The following ATP8B4 variants were observed in gnomAD, a reference collection of about 807,000 sequenced individuals.
The protein encoded by ATP8B4 is ATPase phospholipid transporting 8B4 (putative).
ATP8B4 carries 133 observed loss-of-function variants against 145.6 expected under a neutral mutation model. The ratio of observed to expected loss-of-function variants is 0.91; its 90% confidence interval spans 0.79 to 1.05. The LOEUF (loss-of-function observed/expected upper bound fraction) is 1.05, where lower values mean the gene tolerates loss of function less well. Ranked by LOEUF, ATP8B4 falls within the 50% of genes least tolerant of loss-of-function variation. The pLI is 0.00. For missense variants in ATP8B4, 1,458 were observed against 1,425.2 expected, an observed-to-expected ratio of 1.02 and a Z score of -0.37; for synonymous variants, 507 against 492.9, an observed-to-expected ratio of 1.03 and a Z score of -0.38.
At chr15:50,013,620 T>C (rs1567198419) in intron 6 of ATP8B4, among the ~76,000 whole-genome samples, 1 of 152,112 alleles carries the variant, frequency 6.6e-6, no homozygotes, top group Non-Finnish European at 1.5e-5. Context: ...CACAAGTCAA[T>C]TGCTAAATAA....
At chr15:50,165,451 G>A (rs2044581886) in intron 1 of ATP8B4, among the ~76,000 whole-genome samples, 1 of 152,120 alleles carries the variant, frequency 6.6e-6, no homozygotes, top group South Asian at 2.1e-4. Flanking sequence ...TGTGTGGATA[G>A]CTGCTCAATT....
At chr15:50,172,944 C>T (rs1426849524) in intron 1 of ATP8B4, among the ~76,000 whole-genome samples, 4 of 149,936 alleles carry the variant, frequency 2.7e-5, no homozygotes, top group African/African-American at 9.9e-5. Context: ...CGTCTCCGCC[C>T]GGCAGCCGCC....
chr15:50,173,360 T>G lies in ATP8B4; in HGVS notation c.-43+8901A>C, dbSNP rs1204202527. ...TTTGTTCTGTACTAAGAAAAATTAT[T>G]CTGCCTTGGGATGCTGTTAATCTAT... On this transcript the variant is annotated intron_variant, in intron 1 of 3. Transcript: ENST00000558829. Among the ~76,000 whole-genome samples the G allele has an allele frequency of 2.6e-5, 4 of 152,198 alleles. No homozygotes were observed. In the East Asian group the frequency reaches 7.7e-4, roughly 29 times the overall value.
chr15:50,135,016 G>A (rs772326527), intron 1 of ATP8B4, among the ~76,000 whole-genome samples: 1 of 152,180 alleles, frequency 6.6e-6, no homozygotes, highest in Non-Finnish European at 1.5e-5. Context: ...CCTGAACATT[G>A]TTAAAAAGAT....
At chr15:50,119,627 G>A (rs906949610), upstream of ATP8B4, among the ~76,000 whole-genome samples, 1 of 152,080 alleles carries the variant, frequency 6.6e-6, no homozygotes, top group Non-Finnish European at 1.5e-5. Context: ...AATGGAAGGG[G>A]ACACCGGCTA....
intron 14 of ATP8B4, among the ~76,000 whole-genome samples, chr15:49,951,203 T>C (rs1240526216): frequency 6.6e-6 from 1 of 152,194 alleles, no homozygotes; most frequent in Non-Finnish European, 1.5e-5. Context: ...ACTGTAGACA[T>C]CTACTAGTTC....
At chr15:50,100,319 AG>A (rs1320197564) in intron 2 of ATP8B4, among the ~76,000 whole-genome samples, 1 of 152,198 alleles carries the variant, frequency 6.6e-6, no homozygotes, top group Non-Finnish European at 1.5e-5. Flanking sequence ...TTAGATCTCC[AG>A]TCTGTGCCCC....
chr15:50,165,305 A>C (rs1172652339), intron 1 of ATP8B4, among the ~76,000 whole-genome samples: 3 of 152,150 alleles, frequency 2.0e-5, no homozygotes, highest in Admixed American at 2.0e-4. Flanking sequence ...TGCCCGCCTC[A>C]GCCTCCCAAA....
chr15:50,131,695 TTAG>T (rs1255865007), intron 1 of ATP8B4, among the ~76,000 whole-genome samples: 21 of 150,886 alleles, frequency 1.4e-4, no homozygotes, highest in African/African-American at 3.9e-4. Context: ...CTTCAAACTC[TTAG>T]TAGTATCTTT....
chr15:50,174,607 A>G (rs904003763), intron 1 of ATP8B4, among the ~76,000 whole-genome samples: 8 of 151,966 alleles, frequency 5.3e-5, no homozygotes, highest in Non-Finnish European at 8.8e-5. Flanking sequence ...AAAGACCTCT[A>G]CAAGGAAACT....
intron 20 of ATP8B4, among the ~76,000 whole-genome samples, chr15:49,915,780 G>T (rs1030633065): frequency 6.6e-6 from 1 of 150,570 alleles, no homozygotes; most frequent in African/African-American, 2.4e-5. Context: ...ATTTTTATTT[G>T]GCAAAGACAT....
intron 27 of ATP8B4, 59 bp from the exon 28 acceptor site, chr15:49,860,534 G>T: frequency 6.7e-7 from 1 of 1,484,124 alleles, no homozygotes; most frequent in East Asian, 2.3e-5. Flanking sequence ...TCCAGGCAGT[G>T]GCCCACTTTG....
At chr15:50,174,678 C>G (rs529601548) in intron 1 of ATP8B4, among the ~76,000 whole-genome samples, 1 of 152,144 alleles carries the variant, frequency 6.6e-6, no homozygotes, top group Non-Finnish European at 1.5e-5. Context: ...ATCCCATGCT[C>G]ATGGATAGGT....
intron 14 of ATP8B4, among the ~76,000 whole-genome samples, chr15:49,943,392 G>C (rs1041131057): frequency 7.0e-5 from 10 of 143,016 alleles, no homozygotes; most frequent in Non-Finnish European, 1.5e-5. Context: ...CAAATTAAAT[G>C]AAACAAACAA....
rs115854832 is a variant in ATP8B4, at chr15:49,979,685, G to A, written c.966C>T (p.Ser322=). Residue 322 remains serine (S), a synonymous_variant, in exon 12 of 28, where the codon TCC becomes TCT. Coordinates refer to ENST00000284509, the MANE Select transcript of ATP8B4 (RefSeq NM_024837.4). ...TATATGACCAGAATGTTAAGAATCCGGAGAACACAGAGCTCTTCTCTCCTT... is the reference window on the plus strand; with the variant it reads ...TATATGACCAGAATGTTAAGAATCCAGAGAACACAGAGCTCTTCTCTCCTT... ...WNEGEKSSVF[S]GFLTFWSYII... 5.7e-5 allele frequency: 91 copies of A among 1,607,246 alleles called. No homozygotes were observed. The African/African-American group carries it at 9.6e-4, about 17-fold the overall frequency.
At chr15:50,022,837 C>T (rs564020037) in intron 6 of ATP8B4, among the ~76,000 whole-genome samples, 1 of 152,348 alleles carries the variant, frequency 6.6e-6, no homozygotes, top group African/African-American at 2.4e-5. Flanking sequence ...ATGGCAGTTG[C>T]ATTTCTCATA....
At chr15:50,131,751 A>G (rs2044051118) in intron 1 of ATP8B4, among the ~76,000 whole-genome samples, 1 of 107,358 alleles carries the variant, frequency 9.3e-6, no homozygotes, top group East Asian at 1.9e-4. Context: ...TATTCATATA[A>G]TATTATATTA....
In ATP8B4 at chr15:49,987,497, G is replaced by A; in HGVS notation, c.642C>T (p.Ile214=). ...AATGCTTGCTGTCTTTCCAAGAAAG[G>A]ATTCCCATGAATTTATCTAACTTGT... ...PNNKLDKFMG[I]LSWKDSKHSL... Residue 214 remains isoleucine (I), a synonymous_variant, in exon 10 of 28, where the codon ATC becomes ATT. Transcript: ENST00000284509. 6.2e-7 allele frequency: 1 copy of A among 1,613,648 alleles called. No individual in the cohort carries two copies. Among genetic ancestry groups the A allele is most frequent in the Non-Finnish European group, 8.5e-7 (1 of 1,179,708 alleles).
intron 1 of ATP8B4, among the ~76,000 whole-genome samples, chr15:50,156,878 T>C (rs1347732469): frequency 6.6e-6 from 1 of 152,218 alleles, no homozygotes; most frequent in Non-Finnish European, 1.5e-5. Flanking sequence ...ACTGGTATTT[T>C]AGATTGTGGT....
Sources: allele counts gnomAD v4.1 joint callset (sites outside exome capture counted in the v4.1 genomes callset), GRCh38; gene constraint gnomAD v4.1.1; transcripts MANE v1.5; gene names NCBI Gene and HGNC (gene_info 2026-07-23, HGNC 2026-07-21).